KCNH1: variants seen among roughly 807,000 people sequenced by gnomAD.
KCNH1 encodes the protein potassium voltage-gated channel subfamily H member 1, also known as voltage-gated delayed rectifier potassium channel KCNH1.
A neutral mutation model predicts 69.2 loss-of-function variants in KCNH1; 27 were observed. That is an observed-to-expected ratio of 0.39 (90% CI 0.29 to 0.54). KCNH1 has a LOEUF of 0.54. KCNH1 is among the 20% of genes least tolerant of loss of function. KCNH1 has a pLI of 0.68. For synonymous variants in KCNH1, 456 were observed against 487.7 expected (o/e 0.93, Z 0.86); for missense variants, 798 against 1,261.6 (o/e 0.63, Z 5.57).
At chr1:210,875,080 T>C (rs1007171454) in intron 7 of KCNH1, among the ~76,000 whole-genome samples, 7 of 152,192 alleles carry the variant, frequency 4.6e-5, no homozygotes, top group Admixed American at 2.6e-4. Context: ...ATCAATGTAA[T>C]TCACCACATT....
chr1:211,070,009 G>A (rs984728780), intron 5 of KCNH1, among the ~76,000 whole-genome samples: 3 of 152,050 alleles, frequency 2.0e-5, no homozygotes, highest in African/African-American at 7.2e-5. Context: ...AATATCAGAA[G>A]GAAAAGTAAG....
intron 5 of KCNH1, among the ~76,000 whole-genome samples, chr1:211,074,097 T>TAA (rs59971801): frequency 0.19 from 22,565 of 119,428 alleles, 2,281 homozygotes; most frequent in Non-Finnish European, 0.23. Flanking sequence ...TTCCACCAAT[T>TAA]AAAAAAAAAA....
intron 7 of KCNH1, among the ~76,000 whole-genome samples, chr1:210,807,992 G>A (rs555515243): frequency 4.7e-4 from 72 of 152,266 alleles, no homozygotes; most frequent in East Asian, 7.7e-4. Flanking sequence ...AAAAGGAGCC[G>A]GACAAAAAGC....
intron 7 of KCNH1, among the ~76,000 whole-genome samples, chr1:210,837,125 A>G (rs180822926): frequency 6.6e-6 from 1 of 152,266 alleles, no homozygotes; most frequent in East Asian, 1.9e-4. Flanking sequence ...CATGCTCTCA[A>G]GTATATCTGG....
chr1:210,728,269 A>G (rs1682657256), intron 10 of KCNH1, among the ~76,000 whole-genome samples: 1 of 152,146 alleles, frequency 6.6e-6, no homozygotes, highest in African/African-American at 2.4e-5. Flanking sequence ...TTTAGTGACA[A>G]TCTTGGAGCC....
intron 7 of KCNH1, chr1:210,859,944 G>A: frequency 6.4e-7 from 1 of 1,561,862 alleles, no homozygotes; most frequent in Non-Finnish European, 8.8e-7. Context: ...CATACCCATA[G>A]TTCAAAGTTC....
chr1:211,057,915 A>C (rs1407430149), intron 5 of KCNH1, among the ~76,000 whole-genome samples: 2 of 152,190 alleles, frequency 1.3e-5, no homozygotes, highest in African/African-American at 4.8e-5. Flanking sequence ...GACATTTAAT[A>C]ATCAAACTCC....
intron 10 of KCNH1, among the ~76,000 whole-genome samples, chr1:210,738,859 C>T (rs1429690972): frequency 2.0e-5 from 3 of 152,120 alleles, no homozygotes; most frequent in Non-Finnish European, 2.9e-5. Flanking sequence ...AGCCATTGCG[C>T]CTGACCTCGA....
intron 1 of KCNH1, among the ~76,000 whole-genome samples, chr1:211,107,807 A>G (rs77912941): frequency 6.6e-6 from 1 of 152,188 alleles, no homozygotes; most frequent in South Asian, 2.1e-4. Flanking sequence ...GAAGCTAAAA[A>G]TTTGCCTTCT....
intron 7 of KCNH1, among the ~76,000 whole-genome samples, chr1:210,846,754 T>G (rs1685558872): frequency 6.6e-6 from 1 of 151,670 alleles, no homozygotes; most frequent in African/African-American, 2.4e-5. Context: ...CTAAAGAGCT[T>G]CTGCACAGCA....
intron 8 of KCNH1, among the ~76,000 whole-genome samples, chr1:210,803,425 G>A (rs1039909040): frequency 6.6e-6 from 1 of 152,124 alleles, no homozygotes; most frequent in Admixed American, 6.5e-5. Context: ...TTCTTATCAG[G>A]GTCAAGATGA....
intron 4 of KCNH1, among the ~76,000 whole-genome samples, chr1:211,085,707 A>G (rs962858490): frequency 6.6e-6 from 1 of 152,226 alleles, no homozygotes; most frequent in African/African-American, 2.4e-5. Flanking sequence ...CAGCTAATCA[A>G]TGAGATTAAA....
chr1:211,068,533 C>A (rs1690575813), intron 5 of KCNH1, among the ~76,000 whole-genome samples: 1 of 152,242 alleles, frequency 6.6e-6, no homozygotes. Context: ...GCAGCTAGGA[C>A]TATAGGCACA....
chr1:210,992,203 G>A (rs1196411633), intron 6 of KCNH1, among the ~76,000 whole-genome samples: 1 of 152,168 alleles, frequency 6.6e-6, no homozygotes, highest in Admixed American at 6.5e-5. Flanking sequence ...CCGCAATTCA[G>A]AGGATAACCA....
At chr1:210,718,007 G>A (rs9651107) in intron 10 of KCNH1, among the ~76,000 whole-genome samples, 1 of 151,512 alleles carries the variant, frequency 6.6e-6, no homozygotes, top group East Asian at 1.9e-4. Context: ...CTGGGGAGGC[G>A]GAGGCCCGGG....
At chr1:210,882,945 G>A (rs888165206) in intron 7 of KCNH1, among the ~76,000 whole-genome samples, 1 of 152,144 alleles carries the variant, frequency 6.6e-6, no homozygotes, top group Non-Finnish European at 1.5e-5. Flanking sequence ...CATAAAAACT[G>A]TGAAAAAGAC....
chr1:211,076,832 G>T (rs532957314), intron 5 of KCNH1, among the ~76,000 whole-genome samples: 1 of 152,282 alleles, frequency 6.6e-6, no homozygotes, highest in South Asian at 2.1e-4. Context: ...AAGGATGTTC[G>T]AACCCATCGC....
intron 10 of KCNH1, among the ~76,000 whole-genome samples, chr1:210,757,991 T>A (rs920034050): frequency 2.0e-5 from 3 of 152,182 alleles, no homozygotes; most frequent in African/African-American, 7.2e-5. Flanking sequence ...TGAGGACCCA[T>A]CAGCTAGGGA....
At chr1:210,890,181 G>A (rs1686715008) in intron 7 of KCNH1, among the ~76,000 whole-genome samples, 1 of 152,070 alleles carries the variant, frequency 6.6e-6, no homozygotes, top group South Asian at 2.1e-4. Context: ...GCTCGGTACT[G>A]GTACCAAAAC....
Sources: gnomAD v4.1 joint callset for allele counts (sites outside exome capture counted in the v4.1 genomes callset) on GRCh38, gnomAD v4.1.1 for gene constraint, MANE v1.5 for transcripts, NCBI Gene and HGNC (gene_info 2026-07-23, HGNC 2026-07-21) for gene names.